Variants in LARP4 observed in about 807,000 individuals in gnomAD.
LARP4 encodes the protein La ribonucleoprotein 4.
LARP4 carries 29 observed loss-of-function variants against 92.9 expected under a neutral mutation model. The observed-to-expected ratio is 0.31, with a 90% CI of 0.23 to 0.43. LARP4 has a LOEUF of 0.43. Among genes scored for constraint, LARP4 ranks in the 20% least tolerant of loss-of-function variants. The probability of loss-of-function intolerance (pLI) is 1.00; values close to 1 mark genes in which losing one functional copy is unlikely to be tolerated. For synonymous variants in LARP4, 279 were observed against 284.1 expected, an observed-to-expected ratio of 0.98 and a Z score of 0.18; for missense variants, 732 against 860.0, an observed-to-expected ratio of 0.85 and a Z score of 1.86.
intron 8 of LARP4, among the ~76,000 whole-genome samples, chr12:50,447,585 A>AT (rs1952419806): frequency 6.6e-6 from 1 of 151,934 alleles, no homozygotes; most frequent in Admixed American, 6.6e-5. Context: ...ATTTTATTTT[A>AT]TTTTTTAAAG....
intron 1 of LARP4, chr12:50,401,377 A>T (rs1400015595): frequency 4.1e-5 from 11 of 269,466 alleles, no homozygotes; most frequent in Non-Finnish European, 7.8e-5. Context: ...AGGAGAGGGT[A>T]ATCAGGTGGG....
chr12:50,412,079 C>CT (rs1946004839), intron 1 of LARP4, among the ~76,000 whole-genome samples: 1 of 152,102 alleles, frequency 6.6e-6, no homozygotes, highest in South Asian at 2.1e-4. Context: ...TTTTCCTTGT[C>CT]TGTAAAATGT....
Position 50,467,006 on chromosome 12 carries a change from T to C in LARP4, c.1431T>C (p.Phe477=). The C allele has an allele frequency of 6.2e-7, 1 of 1,613,580 alleles. No individual in the cohort carries two copies. Among genetic ancestry groups the C allele is most frequent in the Non-Finnish European group, 8.5e-7 (1 of 1,179,736 alleles). The change falls in exon 13 of 16, where the codon TTT becomes TTC. Residue 477 remains phenylalanine, a synonymous_variant. Coordinates refer to ENST00000398473, the MANE Select transcript of LARP4 (RefSeq NM_052879.5). The stretch of plus-strand genomic sequence containing the variant: ...AATCAAAGGCTCCAACACCAAAGTT[T>C]GACTTATTAGCCTCAAATTTTCCAC... The part of the protein sequence containing the change: ...TAESKAPTPK[F]DLLASNFPPL...
intron 10 of LARP4, among the ~76,000 whole-genome samples, chr12:50,460,695 C>G (rs940305668): frequency 4.6e-5 from 7 of 152,150 alleles, no homozygotes; most frequent in Admixed American, 1.3e-4. Context: ...AATCCCAGCA[C>G]TTTGGGAGGC....
intron 5 of LARP4, among the ~76,000 whole-genome samples, chr12:50,437,019 G>A (rs1950547084): frequency 6.6e-6 from 1 of 152,196 alleles, no homozygotes; most frequent in Non-Finnish European, 1.5e-5. Context: ...TTGGCAAAGA[G>A]AGGCAGAATC....
chr12:50,457,827 T>A (rs1330700003), intron 10 of LARP4, among the ~76,000 whole-genome samples: 1 of 110,178 alleles, frequency 9.1e-6, no homozygotes, highest in Non-Finnish European at 2.1e-5. Context: ...AAAAAAAAAA[T>A]TACTTTTTGT....
rs1944754502 is a variant in LARP4, at chr12:50,405,971, G to A, written c.18+4943G>A. Reference sequence around the variant, plus strand: ...GTTGCTATACTGTATTATTTATAGAGTGATAAGAAAAAAGTCTCTACATTG... The same window carrying A: ...GTTGCTATACTGTATTATTTATAGAATGATAAGAAAAAAGTCTCTACATTG... On this transcript the variant is annotated intron_variant, in intron 1 of 15. Transcript: ENST00000398473. Among the ~76,000 whole-genome samples, 3 of 152,024 alleles carry A rather than the reference G, an allele frequency of 2.0e-5. No homozygotes were observed. In the South Asian group the frequency reaches 6.2e-4, roughly 31 times the overall value.
intron 13 of LARP4, among the ~76,000 whole-genome samples, chr12:50,468,246 G>C (rs951952265): frequency 2.6e-5 from 4 of 152,048 alleles, no homozygotes; most frequent in African/African-American, 9.7e-5. Flanking sequence ...CCAAAGTGCT[G>C]GAATTACAAG....
Position 50,479,780 on chromosome 12 carries a change from AAATG to A in LARP4, c.*3917_*3920del, listed in dbSNP as rs1292976363. On this transcript the variant is annotated 3_prime_UTR_variant, in exon 16 of 16. Transcript: ENST00000398473. Reference sequence around the variant, plus strand: ...AATTCAGGTGTCCTTTGCATCTCTTAAATGTTGGGGGTGGGGGTCAGAGCCAGTT... The same window carrying A: ...AATTCAGGTGTCCTTTGCATCTCTTATTGGGGGTGGGGGTCAGAGCCAGTT... 1.3e-5 allele frequency: 2 copies of A among 152,108 alleles called. No individual in the cohort carries two copies. Among genetic ancestry groups the A allele is most frequent in the Non-Finnish European group, 2.9e-5 (2 of 68,022 alleles). The allele number at this position is 152,108 out of a possible 1,614,324, so 9.4% of individuals were successfully genotyped here.
rs182135841 is a variant in LARP4 at position 50,420,108 on chromosome 12, G to A, written c.19-7654G>A. On this transcript the variant is annotated intron_variant, in intron 1 of 15. Transcript: ENST00000398473. ...ACTATAAAATTAAAATGTTTGATAT[G>A]CTTAAAAGAAGAAAAAAGATGATCC... 3.6e-4 allele frequency among the ~76,000 whole-genome samples: 55 copies of A among 152,198 alleles called. No homozygotes were observed. In the South Asian group the frequency reaches 0.011, roughly 30 times the overall value.
intron 1 of LARP4, among the ~76,000 whole-genome samples, chr12:50,408,929 G>A (rs1342620461): frequency 6.6e-6 from 1 of 152,012 alleles, no homozygotes; most frequent in African/African-American, 2.4e-5. Context: ...GATTACTTGA[G>A]TTCAGGAGTT....
At chr12:50,407,385 T>C (rs958211794) in intron 1 of LARP4, among the ~76,000 whole-genome samples, 10 of 152,218 alleles carry the variant, frequency 6.6e-5, no homozygotes, top group Non-Finnish European at 1.0e-4. Context: ...TAAGTTTTCA[T>C]CTCAGCCTTG....
At chr12:50,463,650 AGGG>A (rs1955765056) in intron 12 of LARP4, among the ~76,000 whole-genome samples, 1 of 152,076 alleles carries the variant, frequency 6.6e-6, no homozygotes, top group East Asian at 1.9e-4. Context: ...CACTGATGCA[AGGG>A]TTGGGCTCCC....
In LARP4 at chr12:50,461,178, A is replaced by G. The variant is rs371027233; in HGVS notation, c.1165A>G (p.Thr389Ala). The G allele has an allele frequency of 4.8e-5, 78 of 1,613,992 alleles. No individual in the cohort carries two copies. Among genetic ancestry groups the G allele is most frequent in the Non-Finnish European group, 6.4e-5 (75 of 1,180,016 alleles). ...FRSSGGSEHS[T>A]EGSVSLGDGQ... Reference sequence around the variant, plus strand: ...GTCATCTGGTGGTTCAGAACACTCAACAGAGGGCTCTGTATCCTTGGGGGA... The same window carrying G: ...GTCATCTGGTGGTTCAGAACACTCAGCAGAGGGCTCTGTATCCTTGGGGGA... Residue 389 changes from threonine to alanine, a missense_variant, in exon 11 of 16, where the codon ACA becomes GCA. Transcript: ENST00000398473.
intron 1 of LARP4, among the ~76,000 whole-genome samples, chr12:50,410,598 G>A (rs1945698845): frequency 1.3e-5 from 2 of 151,194 alleles, no homozygotes; most frequent in South Asian, 4.2e-4. Context: ...TAGAGACAGG[G>A]TTTCATCGTG....
intron 8 of LARP4, among the ~76,000 whole-genome samples, chr12:50,450,260 T>C (rs1952952855): frequency 6.6e-6 from 1 of 152,102 alleles, no homozygotes; most frequent in Admixed American, 6.5e-5. Flanking sequence ...GTTACCTTGC[T>C]GTGCAGTTTG....
chr12:50,453,946 G>A (rs1232801921), intron 9 of LARP4, among the ~76,000 whole-genome samples: 1 of 152,128 alleles, frequency 6.6e-6, no homozygotes, highest in Non-Finnish European at 1.5e-5. Flanking sequence ...CTTTTAAACA[G>A]TGATATGGAT....
intron 10 of LARP4, among the ~76,000 whole-genome samples, chr12:50,459,353 C>T (rs142932763): frequency 1.2e-3 from 176 of 152,118 alleles, no homozygotes; most frequent in African/African-American, 4.1e-3. Context: ...ATTATTACTC[C>T]CCTAAACAGC....
chr12:50,473,272 A>T, intron 13 of LARP4, 143 bp from the exon 14 acceptor site: 1 of 597,832 alleles, frequency 1.7e-6, no homozygotes, highest in Non-Finnish European at 3.0e-6. Flanking sequence ...CCTTGTGGGT[A>T]TGAAGTGATT....
Sources: allele counts gnomAD v4.1 joint callset (sites outside exome capture counted in the v4.1 genomes callset), GRCh38; gene constraint gnomAD v4.1.1; transcripts MANE v1.5; gene names NCBI Gene and HGNC (gene_info 2026-07-23, HGNC 2026-07-21).